The following LOC400499 variants were observed in gnomAD, a reference collection of about 807,000 sequenced individuals.
chr16:11,427,336 G>A, the LOC400499 span, among the ~76,000 whole-genome samples: 11 of 87,686 alleles, frequency 1.3e-4, no homozygotes, highest in East Asian at 7.8e-4. Context: ...CAACAAGAGC[G>A]AAACTCCATC....
At chr16:11,501,391 T>A in the LOC400499 span, among the ~76,000 whole-genome samples, 1 of 152,168 alleles carries the variant, frequency 6.6e-6, no homozygotes, top group Non-Finnish European at 1.5e-5. Flanking sequence ...AGGGTCTCAC[T>A]CTGTCACCCA....
At chr16:11,468,960 T>C in the LOC400499 span, among the ~76,000 whole-genome samples, 1 of 152,244 alleles carries the variant, frequency 6.6e-6, no homozygotes, top group East Asian at 1.9e-4. Flanking sequence ...GTGTTATTAA[T>C]ATCCATTTTT....
chr16:11,502,506 T>G, the LOC400499 span, among the ~76,000 whole-genome samples: 1 of 152,228 alleles, frequency 6.6e-6, no homozygotes, highest in African/African-American at 2.4e-5. Context: ...TGGCATCTAA[T>G]AAAACCCCAA....
chr16:11,505,445 CTTTTTT>C, the LOC400499 span, among the ~76,000 whole-genome samples: 695 of 71,880 alleles, frequency 9.7e-3, 2 homozygotes, highest in African/African-American at 0.035. Flanking sequence ...TTTTTCTTTT[CTTTTTT>C]TTTTTTTTTT....
At chr16:11,524,818 A>G in the LOC400499 span, among the ~76,000 whole-genome samples, 1 of 134,308 alleles carries the variant, frequency 7.4e-6, no homozygotes, top group Non-Finnish European at 1.6e-5. Flanking sequence ...CCTGCCAGCC[A>G]CTTGCAGGAT....
the LOC400499 span, among the ~76,000 whole-genome samples, chr16:11,498,011 C>T: frequency 5.9e-5 from 9 of 152,148 alleles, no homozygotes; most frequent in Non-Finnish European, 1.2e-4. Context: ...ACTTTTCCAA[C>T]ATGATTCTAA....
chr16:11,513,188 G>A, the LOC400499 span, among the ~76,000 whole-genome samples: 17 of 152,158 alleles, frequency 1.1e-4, no homozygotes, highest in Non-Finnish European at 1.6e-4. Context: ...AGGATTATTT[G>A]AGCCCAAGAG....
chr16:11,402,249 G>A, the LOC400499 span: 3 of 398,556 alleles, frequency 7.5e-6, no homozygotes, highest in East Asian at 3.6e-5. Context: ...CTCAACTGAC[G>A]CCACTGCCAG....
the LOC400499 span, chr16:11,425,417 A>C: frequency 2.5e-6 from 1 of 399,284 alleles, no homozygotes; most frequent in Non-Finnish European, 4.4e-6. Context: ...CTGAGTCAGC[A>C]GTGACACTGA....
At chr16:11,471,694 C>T in the LOC400499 span, 615 of 399,148 alleles carry the variant, frequency 1.5e-3, 8 homozygotes, top group African/African-American at 0.011. Context: ...CAGGTACTGT[C>T]GGAGCCCCGG....
chr16:11,485,789 A>C, the LOC400499 span, among the ~76,000 whole-genome samples: 1 of 152,200 alleles, frequency 6.6e-6, no homozygotes, highest in Non-Finnish European at 1.5e-5. Flanking sequence ...ACCAGAGACC[A>C]GCCCTTGGCA....
chr16:11,443,467 TAAA>T, the LOC400499 span: 214 of 133,424 alleles, frequency 1.6e-3, 1 homozygote, highest in Admixed American at 9.1e-3. Context: ...GACTCTGTCT[TAAA>T]AAAAAAAAAA....
chr16:11,483,142 A>T, the LOC400499 span, among the ~76,000 whole-genome samples: 1 of 152,222 alleles, frequency 6.6e-6, no homozygotes, highest in Non-Finnish European at 1.5e-5. Flanking sequence ...GGCTAAAATT[A>T]AAAAGTCTAA....
At chr16:11,453,169 C>A in the LOC400499 span, among the ~76,000 whole-genome samples, 1 of 152,108 alleles carries the variant, frequency 6.6e-6, no homozygotes, top group African/African-American at 2.4e-5. Flanking sequence ...TCTGTTTCAG[C>A]GGGTCTCTTA....
chr16:11,502,219 G>A, the LOC400499 span: 1 of 398,922 alleles, frequency 2.5e-6, no homozygotes, highest in Non-Finnish European at 4.4e-6. Flanking sequence ...ACCCAGCAGT[G>A]CGGGGGATCC....
At chr16:11,504,460 G>A in the LOC400499 span, among the ~76,000 whole-genome samples, 1 of 151,970 alleles carries the variant, frequency 6.6e-6, no homozygotes, top group African/African-American at 2.4e-5. Flanking sequence ...GGAGGCTGAG[G>A]CAAGAGATCA....
At chr16:11,387,241 C>T in the LOC400499 span, 31 of 1,232,242 alleles carry the variant, frequency 2.5e-5, no homozygotes, top group South Asian at 4.1e-5. Context: ...GGGCCACGTC[C>T]AGGGGCTCGT....
At chr16:11,495,807 G>T in the LOC400499 span, among the ~76,000 whole-genome samples, 1 of 152,222 alleles carries the variant, frequency 6.6e-6, no homozygotes, top group African/African-American at 2.4e-5. Context: ...AGGAAGCTGA[G>T]ACACAGAAAG....
the LOC400499 span, chr16:11,411,153 T>C: frequency 1.5e-5 from 6 of 398,498 alleles, no homozygotes; most frequent in Non-Finnish European, 2.7e-5. Flanking sequence ...CAGATGTGCA[T>C]GTATTAACAC....
Sources: gnomAD v4.1 joint callset for allele counts (sites outside exome capture counted in the v4.1 genomes callset) on GRCh38, gnomAD v4.1.1 for gene constraint, MANE v1.5 for transcripts.